The following FOCAD variants were observed in gnomAD, a reference collection of about 807,000 sequenced individuals.
FOCAD encodes focadhesin, also known as KIAA1797.
A neutral mutation model predicts 225.6 loss-of-function variants in FOCAD; 198 were observed. The ratio of observed to expected loss-of-function variants is 0.88; its 90% CI spans 0.78 to 0.99. The LOEUF (loss-of-function observed/expected upper bound fraction) is 0.99. Among genes scored for constraint, FOCAD ranks in the 50% least tolerant of loss-of-function variants. The pLI is 0.00. For synonymous variants in FOCAD, 897 were observed against 755.0 expected (o/e 1.19, Z -3.08); for missense variants, 2,713 against 2,123.6 (o/e 1.28, Z -5.46).
rs56856864 is a variant in FOCAD, at chr9:20,913,145, TAC to T, written c.2807+234_2807+235del. ...GAGAGCTTTATTTATAAATTATACATACACACACACACACACACACACACACA... is the reference window on the plus strand; with the variant it reads ...GAGAGCTTTATTTATAAATTATACATACACACACACACACACACACACACA... On this transcript the variant is annotated intron_variant, in intron 23 of 43. Coordinates refer to ENST00000338382, the MANE Select transcript of FOCAD (RefSeq NM_001375567.1). Among the ~76,000 whole-genome samples, 43,764 of 136,986 alleles carry T rather than the reference TAC, an allele frequency of 0.32. 6,853 individuals are homozygous for T. Among genetic ancestry groups the T allele is most frequent in the South Asian group, 0.39 (1,619 of 4,134 alleles). The allele number at this position is 136,986 out of a possible 152,430, so 89.9% of individuals were successfully genotyped here.
chr9:20,750,743 AT>A (rs1224525661), intron 5 of FOCAD, among the ~76,000 whole-genome samples: 10 of 152,328 alleles, frequency 6.6e-5, no homozygotes, highest in African/African-American at 1.9e-4. Context: ...AAATAAAAAA[AT>A]ATAGGGTGAT....
At chr9:20,827,875 TA>T (rs1299221563) in intron 15 of FOCAD, among the ~76,000 whole-genome samples, 1 of 152,098 alleles carries the variant, frequency 6.6e-6, no homozygotes, top group African/African-American at 2.4e-5. Flanking sequence ...AGATTTTTAT[TA>T]AATAAGTAGA....
At chr9:20,913,140 A>G (rs542701601) in intron 23 of FOCAD, among the ~76,000 whole-genome samples, 186 bp downstream of exon 23, 2 of 115,784 alleles carry the variant, frequency 1.7e-5, no homozygotes, top group South Asian at 3.1e-4. Flanking sequence ...TTTATAAATT[A>G]TACATACACA....
At chr9:20,757,671 G>T (rs990580848) in intron 5 of FOCAD, among the ~76,000 whole-genome samples, 1 of 152,172 alleles carries the variant, frequency 6.6e-6, no homozygotes, top group African/African-American at 2.4e-5. Flanking sequence ...TTCGGGTAAG[G>T]TTGGAGGAAA....
chr9:20,967,302 A>T (rs1490978093), intron 35 of FOCAD, among the ~76,000 whole-genome samples: 1 of 152,036 alleles, frequency 6.6e-6, no homozygotes, highest in Non-Finnish European at 1.5e-5. Flanking sequence ...TTTTTTCTAA[A>T]TTTCTTTTTC....
upstream of FOCAD, among the ~76,000 whole-genome samples, chr9:20,680,523 C>G (rs973856100): frequency 6.6e-6 from 1 of 152,068 alleles, no homozygotes; most frequent in Admixed American, 6.5e-5. Flanking sequence ...TCATTGCACT[C>G]CAGCCTGGCA....
chr9:20,695,739 G>T (rs1013943052), intron 1 of FOCAD, among the ~76,000 whole-genome samples: 4 of 152,198 alleles, frequency 2.6e-5, no homozygotes, highest in African/African-American at 9.7e-5. Flanking sequence ...AGCTATGTGG[G>T]ATAAGTATGG....
upstream of FOCAD, among the ~76,000 whole-genome samples, chr9:20,682,900 A>G (rs1822443924): frequency 1.3e-5 from 2 of 152,082 alleles, no homozygotes; most frequent in African/African-American, 2.4e-5. Context: ...CCTCCTGAGT[A>G]GAGTAGCCGT....
intron 11 of FOCAD, among the ~76,000 whole-genome samples, chr9:20,810,673 C>A (rs1175216407): frequency 6.6e-6 from 1 of 151,992 alleles, no homozygotes; most frequent in Non-Finnish European, 1.5e-5. Context: ...ACCATTACAT[C>A]ATGATTTAAG....
intron 1 of FOCAD, among the ~76,000 whole-genome samples, chr9:20,701,576 T>C (rs1823950313): frequency 6.6e-6 from 1 of 152,250 alleles, no homozygotes; most frequent in Non-Finnish European, 1.5e-5. Flanking sequence ...GATTGACAAT[T>C]GTCGTGATGG....
intron 4 of FOCAD, among the ~76,000 whole-genome samples, chr9:20,735,712 G>A (rs1307482335): frequency 2.0e-5 from 3 of 146,380 alleles, no homozygotes; most frequent in African/African-American, 7.6e-5. Flanking sequence ...TTTTTGAAAC[G>A]GGATCTCTCT....
At chr9:20,761,288 C>T (rs1003617013) in intron 6 of FOCAD, among the ~76,000 whole-genome samples, 2 of 152,124 alleles carry the variant, frequency 1.3e-5, no homozygotes, top group Non-Finnish European at 2.9e-5. Flanking sequence ...GGATTTTAGG[C>T]TGGGTTACTT....
chr9:20,987,608 GA>G (rs1296141095), intron 40 of FOCAD, among the ~76,000 whole-genome samples: 1 of 152,052 alleles, frequency 6.6e-6, no homozygotes, highest in African/African-American at 2.4e-5. Context: ...ATGAACCTAT[GA>G]TGAGAAACTG....
chr9:20,791,502 A>G (rs141424595), intron 11 of FOCAD, among the ~76,000 whole-genome samples: 120 of 152,276 alleles, frequency 7.9e-4, no homozygotes, highest in Admixed American at 7.9e-4. Flanking sequence ...GGAACATTCA[A>G]AATCCTTTCT....
At chr9:20,987,878 A>G (rs4977878) in intron 40 of FOCAD, among the ~76,000 whole-genome samples, 54,370 of 152,100 alleles carry the variant, frequency 0.36, 9,981 homozygotes, top group East Asian at 0.46. Flanking sequence ...TGGAAATATA[A>G]TGGCTGTATT....
rs1431319485 is a variant in FOCAD, at chr9:20,687,602, G to A, written c.-33+3309G>A. 3.9e-5 allele frequency among the ~76,000 whole-genome samples: 6 copies of A among 152,286 alleles called. No individual in the cohort carries two copies. In the South Asian group the frequency reaches 8.3e-4, roughly 21 times the overall value. Reference sequence around the variant, plus strand: ...GCTATTAGGACATACACGTGGAGAAGAATGGAGGAAACTTTTTATTAAATG... The same window carrying A: ...GCTATTAGGACATACACGTGGAGAAAAATGGAGGAAACTTTTTATTAAATG... On this transcript the variant is annotated intron_variant, in intron 1 of 43. Coordinates refer to ENST00000338382, the MANE Select transcript of FOCAD (RefSeq NM_001375567.1).
In FOCAD at chr9:20,986,391, G is replaced by T; in HGVS notation, c.4832G>T (p.Arg1611Leu). The T allele has an allele frequency of 1.2e-6, 2 of 1,611,838 alleles. No individual in the cohort carries two copies. Among genetic ancestry groups the T allele is most frequent in the Non-Finnish European group, 8.5e-7 (1 of 1,179,636 alleles). The part of the protein sequence containing the change: ...TDMLSVAVQH[R>L]EKEVLAWMIL... ...ATGCTGAGCGTTGCTGTGCAGCACC[G>T]TGAGAAAGAGGTGTTGGCCTGGATG... Residue 1611 changes from arginine to leucine, a missense_variant, in exon 40 of 44, where the codon CGT becomes CTT. Transcript: ENST00000338382.
At chr9:20,839,737 A>T (rs899717143) in intron 15 of FOCAD, among the ~76,000 whole-genome samples, 3 of 152,116 alleles carry the variant, frequency 2.0e-5, no homozygotes, top group African/African-American at 7.2e-5. Flanking sequence ...ACGATGTCTA[A>T]TAATCACATC....
chr9:20,703,470 G>A (rs1824136087), intron 1 of FOCAD, among the ~76,000 whole-genome samples: 1 of 152,060 alleles, frequency 6.6e-6, no homozygotes. Flanking sequence ...CAGCATATGA[G>A]TTAAAAGTCA....
Sources: gnomAD v4.1 joint callset for allele counts (sites outside exome capture counted in the v4.1 genomes callset) on GRCh38, gnomAD v4.1.1 for gene constraint, MANE v1.5 for transcripts, NCBI Gene and HGNC (gene_info 2026-07-23, HGNC 2026-07-21) for gene names.